The following SAMD3 variants were observed in gnomAD, a reference collection of about 807,000 sequenced individuals.
SAMD3 encodes sterile alpha motif domain containing 3.
SAMD3 carries 63 observed loss-of-function variants against 58.5 expected under a neutral mutation model. The ratio of observed to expected loss-of-function variants is 1.08; its 90% CI spans 0.88 to 1.33. SAMD3 has a LOEUF of 1.33. SAMD3 is among the 40% of genes most tolerant of loss of function. The pLI, the probability that SAMD3 is intolerant of heterozygous loss-of-function variation, is 0.00. For synonymous variants in SAMD3, 220 were observed against 210.3 expected, an observed-to-expected ratio of 1.05 and a Z score of -0.40; for missense variants, 604 against 608.4, an observed-to-expected ratio of 0.99 and a Z score of 0.08.
At chr6:130,316,156 T>C (rs1776361527) in intron 1 of SAMD3, among the ~76,000 whole-genome samples, 1 of 151,652 alleles carries the variant, frequency 6.6e-6, no homozygotes, top group Admixed American at 6.6e-5. Context: ...CCAGGTGTGG[T>C]GGCAGTCGCC....
At chr6:130,207,144 T>C (rs1389196144) in intron 5 of SAMD3, among the ~76,000 whole-genome samples, 1 of 115,648 alleles carries the variant, frequency 8.6e-6, no homozygotes, top group Admixed American at 1.0e-4. Context: ...GAGATGGTGA[T>C]AGACCCCATC....
At chr6:130,291,436 CCTTACAACTCAGGCT>C (rs1205973777) in intron 2 of SAMD3, among the ~76,000 whole-genome samples, 4 of 152,112 alleles carry the variant, frequency 2.6e-5, no homozygotes, top group African/African-American at 4.8e-5. Context: ...GGTAGCTGAG[CCTTACAACTCAGGCT>C]CATGGTTGAC....
chr6:130,230,203 A>T (rs1796503073), intron 2 of SAMD3, among the ~76,000 whole-genome samples: 1 of 152,144 alleles, frequency 6.6e-6, no homozygotes, highest in Admixed American at 6.5e-5. Context: ...ATTATGTTGG[A>T]ACTCTTTGCA....
At chr6:130,226,642 C>A (rs752755517), upstream of SAMD3, among the ~76,000 whole-genome samples, 1 of 152,168 alleles carries the variant, frequency 6.6e-6, no homozygotes, top group Non-Finnish European at 1.5e-5. Context: ...GCCTGGTCAA[C>A]ATGGTGAAAC....
chr6:130,297,005 T>C (rs991910111), intron 2 of SAMD3, among the ~76,000 whole-genome samples: 2 of 152,166 alleles, frequency 1.3e-5, no homozygotes, highest in Non-Finnish European at 2.9e-5. Flanking sequence ...GGGCAGGTGC[T>C]TCCACTCATC....
chr6:130,323,977 G>A (rs1776672478), intron 1 of SAMD3, among the ~76,000 whole-genome samples: 1 of 151,952 alleles, frequency 6.6e-6, no homozygotes, highest in Admixed American at 6.6e-5. Context: ...TCAATATGAT[G>A]GTGTGCATGG....
intron 2 of SAMD3, among the ~76,000 whole-genome samples, chr6:130,301,377 A>T (rs1245545871): frequency 6.6e-6 from 1 of 152,198 alleles, no homozygotes; most frequent in African/African-American, 2.4e-5. Context: ...TAAACCAAGA[A>T]GGCGAAAGAT....
intron 9 of SAMD3, among the ~76,000 whole-genome samples, chr6:130,149,770 G>A (rs150660480): frequency 1.1e-3 from 164 of 152,206 alleles, no homozygotes; most frequent in African/African-American, 3.8e-3. Flanking sequence ...TATTATGCCC[G>A]CTACCTGGGT....
At chr6:130,343,423 G>A (rs1385114345) in intron 1 of SAMD3, among the ~76,000 whole-genome samples, 1 of 152,168 alleles carries the variant, frequency 6.6e-6, no homozygotes, top group East Asian at 1.9e-4. Flanking sequence ...TATCTCTGCA[G>A]TATTGTAAGA....
chr6:130,351,209 A>G (rs1777651059), intron 1 of SAMD3, among the ~76,000 whole-genome samples: 1 of 152,208 alleles, frequency 6.6e-6, no homozygotes, highest in Non-Finnish European at 1.5e-5. Flanking sequence ...TGGCAACAAA[A>G]GCCAAAATTA....
intron 5 of SAMD3, among the ~76,000 whole-genome samples, chr6:130,190,099 C>G (rs575798319): frequency 6.6e-6 from 1 of 152,122 alleles, no homozygotes; most frequent in South Asian, 2.1e-4. Context: ...CTGTTCAAAT[C>G]TCTGGATGAT....
intron 1 of SAMD3, among the ~76,000 whole-genome samples, chr6:130,340,064 G>T (rs1190857674): frequency 3.9e-5 from 6 of 152,150 alleles, no homozygotes; most frequent in Admixed American, 2.6e-4. Context: ...TGAGGTTAGG[G>T]ACCATGACTT....
intron 2 of SAMD3, among the ~76,000 whole-genome samples, chr6:130,285,078 A>C (rs896111025): frequency 1.3e-5 from 2 of 152,252 alleles, no homozygotes; most frequent in African/African-American, 4.8e-5. Context: ...TCAATGGTTA[A>C]AAATGGACTA....
chr6:130,355,239 C>G (rs1363797584), intron 1 of SAMD3, among the ~76,000 whole-genome samples: 1 of 152,154 alleles, frequency 6.6e-6, no homozygotes, highest in Non-Finnish European at 1.5e-5. Context: ...GCCTAGCCAA[C>G]ATGGTGAAAC....
intron 2 of SAMD3, among the ~76,000 whole-genome samples, chr6:130,287,160 T>C (rs1238261557): frequency 6.6e-6 from 1 of 152,236 alleles, no homozygotes; most frequent in African/African-American, 2.4e-5. Context: ...TACTTTGCTG[T>C]AATGATCTTT....
chr6:130,309,752 ATTT>A (rs2114986625), intron 2 of SAMD3, among the ~76,000 whole-genome samples: 1 of 152,278 alleles, frequency 6.6e-6, no homozygotes, highest in South Asian at 2.1e-4. Context: ...GTCAGAATCC[ATTT>A]TCACTGCCAT....
chr6:130,346,519 G>A (rs756538782), intron 1 of SAMD3, among the ~76,000 whole-genome samples: 1 of 152,184 alleles, frequency 6.6e-6, no homozygotes, highest in Non-Finnish European at 1.5e-5. Context: ...CAGTGAGGAT[G>A]GGGGAGGGGC....
At position 130,154,833 on chromosome 6, in the gene SAMD3, G is replaced by A; in HGVS notation, c.1015C>T (p.Pro339Ser). The A allele has an allele frequency of 1.2e-6, 2 of 1,607,186 alleles. No individual in the cohort carries two copies. The highest frequency in any genetic ancestry group is 1.7e-6 in the Non-Finnish European group (2 of 1,176,172). ...ATATAGAATAAAGATACCTGATAAG[G>A]GCACTTCAAGAAAGGAAACAGTTTA... ...ILKLFPFLKC[P>S]YQMFREFQLL... The change falls in exon 9 of 12, where the codon CCT becomes TCT. Residue 339 changes from proline (P) to serine (S), a missense_variant. By Grantham distance (74) the Pro-to-Ser change is moderately conservative. Coordinates refer to ENST00000439090, the MANE Select transcript of SAMD3 (RefSeq NM_001017373.4).
intron 2 of SAMD3, among the ~76,000 whole-genome samples, chr6:130,285,725 T>C (rs1775133118): frequency 1.3e-5 from 2 of 152,386 alleles, no homozygotes; most frequent in African/African-American, 2.4e-5. Flanking sequence ...CATCTTATTA[T>C]GCCCAGTGAC....
Sources: allele counts gnomAD v4.1 joint callset (sites outside exome capture counted in the v4.1 genomes callset), GRCh38; gene constraint gnomAD v4.1.1; transcripts MANE v1.5; gene names NCBI Gene and HGNC (gene_info 2026-07-23, HGNC 2026-07-21).